Variants in SAMD4B observed in about 807,000 individuals in gnomAD.
SAMD4B encodes the protein protein Smaug homolog 2.
Under a neutral mutation model 74.5 loss-of-function variants are expected in SAMD4B, and 5 were observed. The observed-to-expected ratio is 0.07, with a 90% CI of 0.04 to 0.14. The LOEUF (loss-of-function observed/expected upper bound fraction) is 0.14, where lower values mean the gene tolerates loss of function less well. Among genes scored for constraint, SAMD4B ranks in the 10% least tolerant of loss-of-function variants. SAMD4B has a pLI of 1.00. For synonymous variants in SAMD4B, 373 were observed against 374.9 expected (o/e 1.00, Z 0.06); for missense variants, 608 against 921.8 (o/e 0.66, Z 4.41).
rs1298370895 is a variant in SAMD4B at position 39,375,986 on chromosome 19, C to G, written c.907+97C>G. On this transcript the variant is annotated intron_variant, in intron 5 of 13. Coordinates refer to ENST00000610417, the MANE Select transcript of SAMD4B (RefSeq NM_001384574.2). The surrounding 1 kb of genome is among the most constrained non-coding windows in gnomAD (Gnocchi z 4.1). ...TTGTAGCTGACACCTGCTTACCCCTCTGAGGAGGGGACATGTCTGAGGGGA... is the reference window on the plus strand; with the variant it reads ...TTGTAGCTGACACCTGCTTACCCCTGTGAGGAGGGGACATGTCTGAGGGGA... 1.3e-6 allele frequency: 2 copies of G among 1,491,012 alleles called. No homozygotes were observed. The highest frequency in any genetic ancestry group is 1.8e-6 in the Non-Finnish European group (2 of 1,108,952). The allele number at this position is 1,491,012 out of a possible 1,614,324, so 92.4% of individuals were successfully genotyped here. A position where few individuals can be genotyped will look rare whatever the true frequency, so the allele number is the denominator to read the frequency against.
At position 39,357,035 on chromosome 19, in the gene SAMD4B, T is replaced by A; in HGVS notation, c.142T>A (p.Ser48Thr). The A allele has an allele frequency of 1.2e-6, 2 of 1,613,926 alleles. No homozygotes were observed. The highest frequency in any genetic ancestry group is 1.7e-6 in the Non-Finnish European group (2 of 1,179,858). The change falls in exon 3 of 14, where the codon TCA (serine) becomes ACA (threonine). Residue 48 changes from serine to threonine, a missense_variant. Transcript: ENST00000610417. The part of the protein sequence containing the change: ...ARFLQLCLEH[S>T]LADCNDIHLL... The stretch of plus-strand genomic sequence containing the variant: ...CTTCCTGCAGCTCTGCCTGGAGCAC[T>A]CACTGGCGGACTGCAATGACATCCA...
At chr19:39,364,772 C>T (rs1374907551) in intron 3 of SAMD4B, among the ~76,000 whole-genome samples, 1 of 152,112 alleles carries the variant, frequency 6.6e-6, no homozygotes, top group African/African-American at 2.4e-5. Context: ...GGAAAATGAT[C>T]TTTAGATGTG....
intron 1 of SAMD4B, chr19:39,352,440 TA>T (rs1218354179): frequency 7.0e-6 from 1 of 142,474 alleles, no homozygotes; most frequent in Non-Finnish European, 1.5e-5. Context: ...CATTTGAAAA[TA>T]GGGGGGGATT....
chr19:39,363,840 T>C (rs1037965332), intron 3 of SAMD4B, among the ~76,000 whole-genome samples: 3 of 152,234 alleles, frequency 2.0e-5, no homozygotes, highest in Non-Finnish European at 4.4e-5. Flanking sequence ...CTGGGTTCAA[T>C]TGTGCAGGTA....
chr19:39,361,346 A>G (rs10424274), intron 3 of SAMD4B, among the ~76,000 whole-genome samples: 6,112 of 151,062 alleles, frequency 0.04, 360 homozygotes, highest in African/African-American at 0.13. Flanking sequence ...GCCGGGCGCC[A>G]TGGCTCACAC....
chr19:39,382,780 T>TC (rs1470706792), intron 12 of SAMD4B, among the ~76,000 whole-genome samples: 1 of 152,098 alleles, frequency 6.6e-6, no homozygotes. Context: ...GAGGAGCAGG[T>TC]CCAAGTGGGG....
chr19:39,390,162 C>T, downstream of SAMD4B: 1 of 1,613,918 alleles, frequency 6.2e-7, no homozygotes, highest in Non-Finnish European at 8.5e-7. Context: ...CACTCCAGAC[C>T]TAGGAACATT....
At chr19:39,390,088 A>G, downstream of SAMD4B, 1 of 1,613,480 alleles carries the variant, frequency 6.2e-7, no homozygotes, top group Non-Finnish European at 8.5e-7. Context: ...TCGAAGGGGT[A>G]GGTGATGAAC....
chr19:39,372,577 C>T (rs1338028611), intron 4 of SAMD4B, among the ~76,000 whole-genome samples: 1 of 152,142 alleles, frequency 6.6e-6, no homozygotes, highest in African/African-American at 2.4e-5. Flanking sequence ...CTGCCAAGAA[C>T]AGATCAGGAT....
chr19:39,376,357 G>T, intron 5 of SAMD4B, 80 bp from the exon 6 acceptor site: 1 of 1,215,854 alleles, frequency 8.2e-7, no homozygotes, highest in Admixed American at 1.9e-5. Flanking sequence ...GCTTCCTGTG[G>T]GTTTATCCCC....
chr19:39,376,645 AC>A, intron 6 of SAMD4B, 59 bp from the exon 7 acceptor site: 2 of 1,570,676 alleles, frequency 1.3e-6, no homozygotes, highest in Admixed American at 3.3e-5. Context: ...CTATTTGGGT[AC>A]CCCCAAATAT....
In SAMD4B at chr19:39,383,678, A is replaced by T; in HGVS notation, c.*151A>T. 1 of 1,559,856 alleles carries T rather than the reference A, an allele frequency of 6.4e-7. No individual in the cohort carries two copies. On this transcript the variant is annotated 3_prime_UTR_variant, in exon 14 of 14. Coordinates refer to ENST00000610417, the MANE Select transcript of SAMD4B (RefSeq NM_001384574.2). This position sits in a 1 kb window ranked among gnomAD's most constrained non-coding sequence, Gnocchi z 4.1. ...TCTCTTACCCTCTTAACTTTTGTTT[A>T]ACATTGGCACATGCCTTGCTCACTC... is the stretch of plus-strand genomic sequence containing the variant.
intron 4 of SAMD4B, among the ~76,000 whole-genome samples, chr19:39,371,878 A>G (rs185770224): frequency 1.3e-5 from 2 of 152,186 alleles, no homozygotes; most frequent in African/African-American, 2.4e-5. Flanking sequence ...TATTCTAAGA[A>G]CTTTATACAT....
chr19:39,368,268 C>T (rs1438175006), intron 3 of SAMD4B, among the ~76,000 whole-genome samples: 3 of 152,122 alleles, frequency 2.0e-5, no homozygotes, highest in Non-Finnish European at 1.5e-5. Context: ...CTCAGGTCCT[C>T]ACACAGTGGG....
chr19:39,381,188 T>C (rs1292465790), intron 12 of SAMD4B, 75 bp downstream of exon 12: 4 of 1,500,076 alleles, frequency 2.7e-6, no homozygotes, highest in Non-Finnish European at 3.6e-6. Context: ...CTGGGTCTCA[T>C]GTCCACTGTT....
chr19:39,380,886 G>A, intron 11 of SAMD4B, 101 bp downstream of exon 11: 1 of 1,515,826 alleles, frequency 6.6e-7, no homozygotes, highest in Non-Finnish European at 8.9e-7. Context: ...CCAGCTTAGA[G>A]GTGGCGGGGG....
In SAMD4B at chr19:39,370,020, C is replaced by T; in HGVS notation, c.562C>T (p.Pro188Ser). 1 of 1,612,678 alleles carries T rather than the reference C, an allele frequency of 6.2e-7. No individual in the cohort carries two copies. The highest frequency in any genetic ancestry group is 8.5e-7 in the Non-Finnish European group (1 of 1,179,404). ...AGAGCTAGGCCCTGGGGAGGCAGGG[C>T]CAGGCTGGCAGGACAAGCCACCCCG... is the stretch of plus-strand genomic sequence containing the variant. ...PAELGPGEAG[P>S]GWQDKPPREN... The change falls in exon 4 of 14, where the codon CCA (proline) becomes TCA (serine). Residue 188 changes from proline (P) to serine (S), a missense_variant. Around this residue, in one of 9 missense-constraint regions of SAMD4B, gnomAD observed 153 missense variants for 153.0 expected, o/e 1.00. Coordinates refer to ENST00000610417, the MANE Select transcript of SAMD4B (RefSeq NM_001384574.2).
At chr19:39,385,718 C>T (rs1011047583), downstream of SAMD4B, 4 of 539,880 alleles carry the variant, frequency 7.4e-6, no homozygotes, top group Non-Finnish European at 9.7e-6. Context: ...CTTCGTTGTG[C>T]TACATTTTGT....
At chr19:39,356,002 G>T (rs2076323322) in intron 2 of SAMD4B, among the ~76,000 whole-genome samples, 1 of 152,184 alleles carries the variant, frequency 6.6e-6, no homozygotes, top group African/African-American at 2.4e-5. Flanking sequence ...TCCAGAGTCA[G>T]GGAAGCTGGG....
Sources: gnomAD v4.1 joint callset for allele counts (sites outside exome capture counted in the v4.1 genomes callset) on GRCh38, gnomAD v4.1.1 for gene constraint, gnomAD v4.1.1 regional missense constraint, Gnocchi (gnomAD v3.1) non-coding constraint, MANE v1.5 for transcripts, NCBI Gene and HGNC (gene_info 2026-07-23, HGNC 2026-07-21) for gene names.